OR3A2: variants seen among roughly 807,000 people sequenced by gnomAD.
The protein encoded by OR3A2 is olfactory receptor family 3 subfamily A member 2.
For synonymous variants in OR3A2, 126 were observed against 159.3 expected (o/e 0.79, Z 1.57); for missense variants, 318 against 392.8 (o/e 0.81, Z 1.61).
At chr17:3,342,943 T>C (rs914719976) in intron 2 of OR3A2, among the ~76,000 whole-genome samples, 1 of 152,194 alleles carries the variant, frequency 6.6e-6, no homozygotes, top group African/African-American at 2.4e-5. Flanking sequence ...TGTGTTTACC[T>C]ACTCTAGCCT....
intron 3 of OR3A2, among the ~76,000 whole-genome samples, chr17:3,295,132 T>C (rs1046871510): frequency 6.6e-6 from 1 of 152,072 alleles, no homozygotes; most frequent in Non-Finnish European, 1.5e-5. Flanking sequence ...GTTTTTAAAA[T>C]CTCAAAAGGT....
intron 3 of OR3A2, among the ~76,000 whole-genome samples, chr17:3,323,277 G>A (rs181112520): frequency 6.6e-6 from 1 of 151,132 alleles, no homozygotes; most frequent in African/African-American, 2.4e-5. Flanking sequence ...CGTGAGATGG[G>A]TTCAGCACAC....
At chr17:3,350,302 A>G (rs373859047) in intron 2 of OR3A2, among the ~76,000 whole-genome samples, 2 of 151,016 alleles carry the variant, frequency 1.3e-5, no homozygotes, top group Non-Finnish European at 3.0e-5. Flanking sequence ...TAATAAAGAA[A>G]AAAAGAGATA....
At chr17:3,369,803 T>C (rs1405346638) in intron 2 of OR3A2, among the ~76,000 whole-genome samples, 1 of 102,986 alleles carries the variant, frequency 9.7e-6, no homozygotes, top group South Asian at 4.5e-4. Flanking sequence ...GTTAGATTGG[T>C]ACTTTTTTTT....
intron 3 of OR3A2, among the ~76,000 whole-genome samples, chr17:3,324,301 C>T (rs1021847795): frequency 2.6e-5 from 4 of 151,938 alleles, no homozygotes; most frequent in Admixed American, 6.6e-5. Context: ...GCCATTGGTT[C>T]GAACTTCCTC....
chr17:3,350,518 A>C (rs1244871094), intron 2 of OR3A2, among the ~76,000 whole-genome samples: 1 of 152,056 alleles, frequency 6.6e-6, no homozygotes, highest in East Asian at 1.9e-4. Flanking sequence ...CAATAACGGG[A>C]GCTGAAATTG....
At chr17:3,355,352 T>C (rs1172127846) in intron 2 of OR3A2, among the ~76,000 whole-genome samples, 1 of 151,470 alleles carries the variant, frequency 6.6e-6, no homozygotes, top group Non-Finnish European at 1.5e-5. Flanking sequence ...TCATTTTTTG[T>C]TGATTGTCTG....
At chr17:3,376,036 G>A (rs949816171) in intron 2 of OR3A2, among the ~76,000 whole-genome samples, 4 of 152,234 alleles carry the variant, frequency 2.6e-5, no homozygotes, top group African/African-American at 9.6e-5. Flanking sequence ...GGAGTGCTTG[G>A]TTGTAGTTTG....
Position 3,348,244 on chromosome 17 carries a change from G to A in OR3A2, c.-178-12118C>T, listed in dbSNP as rs1172000355. Among the ~76,000 whole-genome samples, 9 of 152,234 alleles carry A rather than the reference G, an allele frequency of 5.9e-5. No individual in the cohort carries two copies. The South Asian group carries it at 1.9e-3, about 32-fold the overall frequency. On this transcript the variant is annotated intron_variant, in intron 2 of 4. Transcript: ENST00000573491. ...TCTTTTGCTGTGCAGAAGCTCTTTA[G>A]TTTAATTAGATCCCATTTATCCATT...
At chr17:3,281,260 A>T (rs1012693661) in intron 1 of OR3A2, among the ~76,000 whole-genome samples, 1 of 141,466 alleles carries the variant, frequency 7.1e-6, no homozygotes, top group South Asian at 2.2e-4. Context: ...TTTGAGATGG[A>T]GTCTCCCTCT....
intron 3 of OR3A2, among the ~76,000 whole-genome samples, chr17:3,290,515 C>T (rs755702644): frequency 6.6e-6 from 1 of 152,132 alleles, no homozygotes; most frequent in Non-Finnish European, 1.5e-5. Context: ...TATTCAATCC[C>T]TCACCCCCAT....
intron 3 of OR3A2, among the ~76,000 whole-genome samples, chr17:3,309,045 A>G (rs2049019845): frequency 6.6e-6 from 1 of 152,096 alleles, no homozygotes. Flanking sequence ...AGCTGGGATT[A>G]CAGGCACCTG....
At chr17:3,341,352 C>G (rs1480600456) in intron 2 of OR3A2, among the ~76,000 whole-genome samples, 1 of 152,156 alleles carries the variant, frequency 6.6e-6, no homozygotes, top group African/African-American at 2.4e-5. Context: ...CAGTTTCTTC[C>G]TAGCATTGAT....
At chr17:3,279,371 A>G (rs1412960846) in intron 1 of OR3A2, among the ~76,000 whole-genome samples, 1 of 152,242 alleles carries the variant, frequency 6.6e-6, no homozygotes, top group Non-Finnish European at 1.5e-5. Context: ...TGTTTTAAAA[A>G]ACATACAAGG....
chr17:3,311,944 G>T lies in OR3A2; in HGVS notation c.-85+24089C>A, dbSNP rs2049047788. On this transcript the variant is annotated intron_variant, in intron 3 of 4. Coordinates refer to the OR3A2 transcript ENST00000573491. This position sits in a 1 kb window ranked among gnomAD's most constrained non-coding sequence, Gnocchi z 4.6. ...GAGGCCCCCAGCTTGAGAAGATGGG[G>T]TTCAAAATGCAACCTCCCTCCTCGA... 6.5e-6 allele frequency: 1 copy of T among 154,528 alleles called. No individual in the cohort carries two copies. The allele number at this position is 154,528 out of a possible 1,614,324, so 9.6% of individuals were successfully genotyped here. A position where few individuals can be genotyped will look rare whatever the true frequency, so the allele number is the denominator to read the frequency against.
intron 3 of OR3A2, among the ~76,000 whole-genome samples, chr17:3,293,153 TAA>T (rs35282171): frequency 7.1e-6 from 1 of 140,974 alleles, no homozygotes; most frequent in Non-Finnish European, 1.5e-5. Context: ...ATAATTCTCT[TAA>T]AAAAAAAAAA....
At chr17:3,310,292 C>T (rs774436306) in intron 3 of OR3A2, 40 of 525,992 alleles carry the variant, frequency 7.6e-5, no homozygotes, top group Non-Finnish European at 1.2e-4. Flanking sequence ...GCTCAGTCCA[C>T]TGCTAGTGGA....
chr17:3,354,363 G>A lies in OR3A2; in HGVS notation c.-178-18237C>T, dbSNP rs1050883922. On this transcript the variant is annotated intron_variant, in intron 2 of 4. Coordinates refer to the OR3A2 transcript ENST00000573491. ...GTTTTGCTCTGTCACCCAGTGTGCA[G>A]TGCAGTGGTATAATCATGGTACACT... 4.0e-5 allele frequency among the ~76,000 whole-genome samples: 6 copies of A among 151,366 alleles called. 1 individual carries two copies. The highest frequency in any genetic ancestry group is 1.5e-4 in the African/African-American group (6 of 40,946).
At chr17:3,381,396 C>A (rs996954163) in intron 2 of OR3A2, among the ~76,000 whole-genome samples, 1 of 151,884 alleles carries the variant, frequency 6.6e-6, no homozygotes, top group African/African-American at 2.4e-5. Context: ...ATCCTTCCTG[C>A]CCAATTCAAA....
Sources: allele counts gnomAD v4.1 joint callset (sites outside exome capture counted in the v4.1 genomes callset), GRCh38; gene constraint gnomAD v4.1.1; non-coding constraint Gnocchi (gnomAD v3.1); transcripts MANE v1.5; gene names NCBI Gene and HGNC (gene_info 2026-07-23, HGNC 2026-07-21).